The following AFG1L variants were observed in gnomAD, a reference collection of about 807,000 sequenced individuals.
AFG1L encodes the protein AFG1-like ATPase.
Under a neutral mutation model 62.2 loss-of-function variants are expected in AFG1L, and 53 were observed. The observed-to-expected ratio is 0.85, with a 90% CI of 0.68 to 1.07. The LOEUF (loss-of-function observed/expected upper bound fraction) is 1.07, where lower values mean the gene tolerates loss of function less well. Ranked by LOEUF, AFG1L falls within the 50% of genes least tolerant of loss-of-function variation. The pLI is 0.00. For synonymous variants in AFG1L, 228 were observed against 210.3 expected, an observed-to-expected ratio of 1.08 and a Z score of -0.73; for missense variants, 555 against 590.5, an observed-to-expected ratio of 0.94 and a Z score of 0.62.
intron 1 of AFG1L, among the ~76,000 whole-genome samples, chr6:108,312,590 A>T (rs542829443): frequency 5.9e-5 from 9 of 152,262 alleles, no homozygotes; most frequent in African/African-American, 2.2e-4. Context: ...AAAGAATATC[A>T]ATACAATAAA....
chr6:108,432,527 G>T (rs1771121093), intron 7 of AFG1L, among the ~76,000 whole-genome samples: 1 of 152,106 alleles, frequency 6.6e-6, no homozygotes, highest in Non-Finnish European at 1.5e-5. Flanking sequence ...GGAAGTTATT[G>T]CCACCAATCT....
At chr6:108,402,467 T>TAAAAAAAAAAA (rs55775052) in intron 7 of AFG1L, among the ~76,000 whole-genome samples, 1 of 91,182 alleles carries the variant, frequency 1.1e-5, no homozygotes, top group Non-Finnish European at 2.1e-5. Flanking sequence ...CCGTCTCGAA[T>TAAAAAAAAAAA]AAAAAAAAAA....
chr6:108,417,287 CAAAA>C (rs58714925), intron 7 of AFG1L, among the ~76,000 whole-genome samples: 2 of 81,634 alleles, frequency 2.4e-5, no homozygotes, highest in Admixed American at 2.3e-4. Flanking sequence ...CACACACACA[CAAAA>C]AAAAAACGGG....
chr6:108,504,304 C>G (rs1170552797), intron 10 of AFG1L, among the ~76,000 whole-genome samples: 2 of 152,188 alleles, frequency 1.3e-5, no homozygotes, highest in African/African-American at 4.8e-5. Context: ...ACAACTCTTC[C>G]TTTCACTTGA....
chr6:108,361,526 ATGTT>A (rs142141354), intron 5 of AFG1L, among the ~76,000 whole-genome samples: 3,369 of 152,248 alleles, frequency 0.022, 116 homozygotes, highest in African/African-American at 0.077. Context: ...CGGGGTAACT[ATGTT>A]TGTGAGCAAA....
In AFG1L at chr6:108,320,296, C is replaced by T. The variant is rs534315478; in HGVS notation, c.140-3529C>T. Among the ~76,000 whole-genome samples the T allele has an allele frequency of 3.3e-5, 5 of 152,182 alleles. No individual in the cohort carries two copies. In the East Asian group the frequency reaches 7.7e-4, roughly 24 times the overall value. The stretch of plus-strand genomic sequence containing the variant: ...GTGGGACATCTTGAAGGGAGTGGCC[C>T]GCCGGTCAAAGCTGGATTAAAAGAT... On this transcript the variant is annotated intron_variant, in intron 1 of 12. Coordinates refer to ENST00000368977, the MANE Select transcript of AFG1L (RefSeq NM_145315.5).
At chr6:108,368,628 C>G (rs1056050466) in intron 6 of AFG1L, among the ~76,000 whole-genome samples, 1 of 152,136 alleles carries the variant, frequency 6.6e-6, no homozygotes, top group African/African-American at 2.4e-5. Flanking sequence ...AAACTTGTCT[C>G]TACTACAGCT....
chr6:108,499,576 CAAAAA>C (rs1229508414), intron 10 of AFG1L, among the ~76,000 whole-genome samples: 1 of 59,290 alleles, frequency 1.7e-5, no homozygotes, highest in Non-Finnish European at 3.5e-5. Flanking sequence ...TCATCTCTAC[CAAAAA>C]AAAAAAAAAA....
At chr6:108,374,889 G>A (rs1262355264) in intron 6 of AFG1L, among the ~76,000 whole-genome samples, 1 of 152,164 alleles carries the variant, frequency 6.6e-6, no homozygotes, top group African/African-American at 2.4e-5. Flanking sequence ...TAGTTTGATA[G>A]GAATAGCATT....
intron 8 of AFG1L, among the ~76,000 whole-genome samples, chr6:108,471,261 T>C (rs541990335): frequency 3.3e-5 from 5 of 152,224 alleles, no homozygotes; most frequent in African/African-American, 1.2e-4. Flanking sequence ...TTCATAACTA[T>C]GACGAAGGCA....
chr6:108,381,713 G>A (rs1780534425), intron 6 of AFG1L, among the ~76,000 whole-genome samples: 2 of 152,004 alleles, frequency 1.3e-5, no homozygotes, highest in South Asian at 4.1e-4. Context: ...ATTCCAATAG[G>A]GAAATATAAT....
intron 10 of AFG1L, among the ~76,000 whole-genome samples, chr6:108,492,545 A>G (rs1189195637): frequency 6.6e-6 from 1 of 152,236 alleles, no homozygotes. Flanking sequence ...TAGTCTGGAC[A>G]ATCAGATATC....
At chr6:108,307,245 G>A (rs902330868) in intron 1 of AFG1L, among the ~76,000 whole-genome samples, 8 of 151,820 alleles carry the variant, frequency 5.3e-5, no homozygotes, top group Non-Finnish European at 1.0e-4. Context: ...AACTCCTGAC[G>A]TCGTGATTTG....
At chr6:108,400,804 T>C (rs1781554960) in intron 6 of AFG1L, among the ~76,000 whole-genome samples, 1 of 122,046 alleles carries the variant, frequency 8.2e-6, no homozygotes, top group African/African-American at 3.3e-5. Flanking sequence ...ATATAATATA[T>C]AATAAATATA....
intron 7 of AFG1L, among the ~76,000 whole-genome samples, chr6:108,417,235 AACAC>A (rs147614070): frequency 4.1e-4 from 55 of 133,592 alleles, no homozygotes; most frequent in African/African-American, 5.8e-4. Context: ...CATTGTCTTA[AACAC>A]ACACACACAC....
At chr6:108,430,375 AT>A (rs1477534016) in intron 7 of AFG1L, among the ~76,000 whole-genome samples, 1 of 152,234 alleles carries the variant, frequency 6.6e-6, no homozygotes. Flanking sequence ...GCTTATACTT[AT>A]TGAATTAACA....
chr6:108,481,605 A>T (rs1773323035), intron 10 of AFG1L, among the ~76,000 whole-genome samples: 1 of 152,244 alleles, frequency 6.6e-6, no homozygotes, highest in South Asian at 2.1e-4. Context: ...AAAATAAATA[A>T]ATAAATAAAT....
At position 108,516,184 on chromosome 6, in the gene AFG1L, C is replaced by G. The variant is rs527301972; in HGVS notation, c.1204-3513C>G. Among the ~76,000 whole-genome samples the G allele has an allele frequency of 2.5e-3, 377 of 152,294 alleles. 2 individuals are homozygous for G. The highest frequency in any genetic ancestry group is 8.7e-3 in the African/African-American group (362 of 41,550). Reference sequence around the variant, plus strand: ...GCATCATCCTGATACCAAAGACTGGCAGAGACACAACAAAAAAACAGAATT... The same window carrying G: ...GCATCATCCTGATACCAAAGACTGGGAGAGACACAACAAAAAAACAGAATT... On this transcript the variant is annotated intron_variant, in intron 11 of 12. Coordinates refer to ENST00000368977, the MANE Select transcript of AFG1L (RefSeq NM_145315.5).
At chr6:108,440,466 G>T (rs1183356916) in intron 7 of AFG1L, among the ~76,000 whole-genome samples, 3 of 152,072 alleles carry the variant, frequency 2.0e-5, no homozygotes, top group African/African-American at 7.2e-5. Context: ...ACAGCACCTG[G>T]CCTAAAAAGG....
Sources: allele counts gnomAD v4.1 joint callset (sites outside exome capture counted in the v4.1 genomes callset), GRCh38; gene constraint gnomAD v4.1.1; transcripts MANE v1.5; gene names NCBI Gene and HGNC (gene_info 2026-07-23, HGNC 2026-07-21).